The following MSX1 variants were observed in gnomAD, a reference collection of about 807,000 sequenced individuals.
The protein encoded by MSX1 is msh homeobox 1, also known as homeobox protein MSX-1.
Under a neutral mutation model 17.0 loss-of-function variants are expected in MSX1, and 11 were observed. The observed-to-expected ratio is 0.65, with a 90% CI of 0.41 to 1.07. The LOEUF is 1.07. Ranked by LOEUF, MSX1 falls within the 50% of genes least tolerant of loss-of-function variation. MSX1 has a pLI of 0.00. For synonymous variants in MSX1, 253 were observed against 211.8 expected (o/e 1.19, Z -1.69); for missense variants, 477 against 440.1 (o/e 1.08, Z -0.75).
chr4:4,863,354 T>TACGGCGACCACA lies in MSX1; in HGVS notation c.*211_*212insACGGCGACCACA. The TACGGCGACCACA allele has an allele frequency of 5.3e-6, 2 of 374,032 alleles. No individual in the cohort carries two copies. The highest frequency in any genetic ancestry group is 4.7e-6 in the Non-Finnish European group (1 of 213,060). The allele number at this position is 374,032 out of a possible 1,614,324, so 23.2% of individuals were successfully genotyped here. A position where few individuals can be genotyped will look rare whatever the true frequency, so the allele number is the denominator to read the frequency against. On this transcript the variant is annotated 3_prime_UTR_variant, in exon 2 of 2. Coordinates refer to ENST00000382723, the MANE Select transcript of MSX1 (RefSeq NM_002448.3). ...GAGTCCCTTAGTACTCTTCTAGCAT[T>TACGGCGACCACA]TAGATCTACACTCTCGAGTTAAAGA...
intron 1 of MSX1, among the ~76,000 whole-genome samples, chr4:4,861,923 A>G (rs1737925371): frequency 6.8e-6 from 1 of 146,394 alleles, no homozygotes; most frequent in Non-Finnish European, 1.5e-5. Flanking sequence ...ACACACACAA[A>G]CGTTTGAGTG....
chr4:4,863,026 C>A lies in MSX1; in HGVS notation c.795C>A (p.Ala265=). 6.2e-7 allele frequency: 1 copy of A among 1,610,432 alleles called. No homozygotes were observed. Among genetic ancestry groups the A allele is most frequent in the Non-Finnish European group, 8.5e-7 (1 of 1,178,936 alleles). The change falls in exon 2 of 2, where the codon GCC becomes GCA. Residue 265 remains alanine (A), a synonymous_variant. Coordinates refer to ENST00000382723, the MANE Select transcript of MSX1 (RefSeq NM_002448.3). The part of the protein sequence containing the change: ...FPLGGPAAVA[A]AAGASLYGAS... ...TCGGCGGCCCCGCAGCTGTAGCGGC[C>A]GCGGCGGGTGCCTCGCTCTACGGTG...
intron 1 of MSX1, 179 bp from the exon 2 acceptor site, chr4:4,862,522 G>A: frequency 1.3e-6 from 1 of 796,080 alleles, no homozygotes; most frequent in South Asian, 1.4e-5. Flanking sequence ...TCTCCCCTGC[G>A]GGGTTGCAAT....
Position 4,863,623 on chromosome 4 carries a change from A to ATG in MSX1, c.*481_*482dup, listed in dbSNP as rs1737982111. 1 of 149,938 alleles carries ATG rather than the reference A, an allele frequency of 6.7e-6. No individual in the cohort carries two copies. The highest frequency in any genetic ancestry group is 2.2e-4 in the South Asian group (1 of 4,646). The allele number at this position is 149,938 out of a possible 1,614,324, so 9.3% of individuals were successfully genotyped here. A position where few individuals can be genotyped will look rare whatever the true frequency, so the allele number is the denominator to read the frequency against. ...AAAAAAAGACTAGCCAGCCAGGAAG[A>ATG]TGAATCCTAGCTTCTTCCATTGGAA... On this transcript the variant is annotated 3_prime_UTR_variant, in exon 2 of 2. Transcript: ENST00000382723.
chr4:4,860,461 T>A (rs1737889508), intron 1 of MSX1, 93 bp downstream of exon 1: 1 of 1,462,754 alleles, frequency 6.8e-7, no homozygotes, highest in African/African-American at 1.4e-5. Flanking sequence ...CTCCGGCGCC[T>A]GCGTACCTGC....
rs1737885964 is a variant in MSX1, at chr4:4,860,362, C to T, written c.463C>T (p.Pro155Ser). Reference protein sequence around the residue: ...WMQSPRFSPPPARRLSPPACT... With the variant: ...WMQSPRFSPPSARRLSPPACT... ...GCAGAGCCCCCGCTTCTCCCCGCCG[C>T]CGGCCAGTGAGTAGCCAGAACCCAG... Residue 155 changes from proline (P) to serine (S), a missense_variant, in exon 1 of 2, where the codon CCG becomes TCG. Around this residue, in one of 3 missense-constraint regions of MSX1, gnomAD observed 355 missense variants for 306.1 expected, o/e 1.16. Transcript: ENST00000382723. 2 of 1,603,716 alleles carry T rather than the reference C, an allele frequency of 1.2e-6. No individual in the cohort carries two copies. Among genetic ancestry groups the T allele is most frequent in the Non-Finnish European group, 1.7e-6 (2 of 1,179,296 alleles).
rs33949394 is a variant in MSX1, at chr4:4,863,552, C to CAAAAAAAAAAAAAAAAAAAAAAAAAAAAA, written c.*417_*445dup. 1.7e-4 allele frequency: 7 copies of CAAAAAAAAAAAAAAAAAAAAAAAAAAAAA among 42,122 alleles called. 2 individuals are homozygous for CAAAAAAAAAAAAAAAAAAAAAAAAAAAAA. Among genetic ancestry groups the CAAAAAAAAAAAAAAAAAAAAAAAAAAAAA allele is most frequent in the Non-Finnish European group, 2.1e-4 (5 of 23,382 alleles). The allele number at this position is 42,122 out of a possible 1,614,324, so 2.6% of individuals were successfully genotyped here. On this transcript the variant is annotated 3_prime_UTR_variant, in exon 2 of 2. Coordinates refer to ENST00000382723, the MANE Select transcript of MSX1 (RefSeq NM_002448.3). ...ACGATTTTGGAAATGAGAACAATCT[C>CAAAAAAAAAAAAAAAAAAAAAAAAAAAAA]AAAAAAAAAAAAAAAAAAAAAAAAA...
chr4:4,860,030 G>A lies in MSX1; in HGVS notation c.131G>A (p.Gly44Asp). The A allele has an allele frequency of 6.6e-7, 1 of 1,507,248 alleles. No individual in the cohort carries two copies. 93.4% of individuals were successfully genotyped at this position (1,507,248 alleles called of 1,614,324 possible). ...SAAAATAAAM[G>D]ADEEGAKPKV... ...GCCGCGGCCACGGCAGCCGCCATGG[G>A]CGCGGACGAGGAGGGGGCCAAGCCC... Residue 44 changes from glycine (G) to aspartate (D), a missense_variant, in exon 1 of 2, where the codon GGC (glycine) becomes GAC (aspartate). Transcript: ENST00000382723.
In MSX1 at chr4:4,862,997, C is replaced by G. The variant is rs753897888; in HGVS notation, c.766C>G (p.Pro256Ala). Residue 256 changes from proline (P) to alanine (A), a missense_variant, in exon 2 of 2, where the codon CCT becomes GCT. By Grantham distance (27) the Pro-to-Ala change is conservative. Coordinates refer to ENST00000382723, the MANE Select transcript of MSX1 (RefSeq NM_002448.3). ...ACCGGCTGCCTTCGGCCTCTCCTTC[C>G]CTCTCGGCGGCCCCGCAGCTGTAGC... is the stretch of plus-strand genomic sequence containing the variant. ...LPPAAFGLSF[P>A]LGGPAAVAAA... 1.9e-6 allele frequency: 3 copies of G among 1,612,526 alleles called. No individual in the cohort carries two copies. The African/African-American group carries it at 4.0e-5, about 22-fold the overall frequency.
At chr4:4,861,074 C>G (rs1251233541) in intron 1 of MSX1, among the ~76,000 whole-genome samples, 2 of 152,284 alleles carry the variant, frequency 1.3e-5, no homozygotes, top group African/African-American at 2.4e-5. Context: ...CCTGGCTGCT[C>G]TACTCAGAGA....
rs1737875457 is a variant in MSX1 at position 4,860,152 on chromosome 4, G to A, written c.253G>A (p.Gly85Ser). ...AKESALAPSE[G>S]VQAAGGSAQP... ...GGAGAGCGCCCTGGCGCCCTCCGAG[G>A]GCGTGCAGGCGGCGGGTGGCTCGGC... Residue 85 changes from glycine (G) to serine (S), a missense_variant, in exon 1 of 2, where the codon GGC becomes AGC. By Grantham distance (56) the Gly-to-Ser change is moderately conservative. Transcript: ENST00000382723. The A allele has an allele frequency of 6.6e-7, 1 of 1,510,120 alleles. No individual in the cohort carries two copies. The highest frequency in any genetic ancestry group is 8.8e-7 in the Non-Finnish European group (1 of 1,135,714). 93.5% of individuals were successfully genotyped at this position (1,510,120 alleles called of 1,614,324 possible). A position where few individuals can be genotyped will look rare whatever the true frequency, so the allele number is the denominator to read the frequency against.
rs1219638313 is a variant in MSX1, at chr4:4,860,442, C to A, written c.469+74C>A. ...GGGTGGGGTGTGGGACCCGAGGGCT[C>A]CTGGTGGCCTCCGGCGCCTGCGTAC... On this transcript the variant is annotated intron_variant, in intron 1 of 1. Transcript: ENST00000382723. The A allele has an allele frequency of 3.9e-6, 6 of 1,520,218 alleles. No individual in the cohort carries two copies. The South Asian group carries it at 4.7e-5, about 12-fold the overall frequency. The allele number at this position is 1,520,218 out of a possible 1,614,324, so 94.2% of individuals were successfully genotyped here. A position where few individuals can be genotyped will look rare whatever the true frequency, so the allele number is the denominator to read the frequency against.
intron 1 of MSX1, among the ~76,000 whole-genome samples, chr4:4,861,231 G>A (rs1445005617): frequency 1.3e-5 from 2 of 152,258 alleles, no homozygotes; most frequent in East Asian, 1.9e-4. Context: ...GTCTTTGAAA[G>A]GCCAGTCCCT....
intron 1 of MSX1, 37 bp from the exon 2 acceptor site, chr4:4,862,664 T>C: frequency 6.2e-7 from 1 of 1,601,710 alleles, no homozygotes; most frequent in South Asian, 1.1e-5. Flanking sequence ...AATGCTTCTC[T>C]CTTAACCCCT....
intron 1 of MSX1, chr4:4,862,480 G>C: frequency 1.4e-6 from 1 of 710,790 alleles, no homozygotes; most frequent in Non-Finnish European, 2.5e-6. Flanking sequence ...TGGAATCTTA[G>C]TTTCTTCATT....
rs33962425 is a variant in MSX1 at position 4,863,770 on chromosome 4, TA to T, written c.*642del. 0.18 allele frequency: 26,493 copies of T among 144,712 alleles called. 2,415 individuals carry two copies. The highest frequency in any genetic ancestry group is 0.24 in the Middle Eastern group (67 of 278). 9.0% of individuals were successfully genotyped at this position (144,712 alleles called of 1,614,324 possible). A position where few individuals can be genotyped will look rare whatever the true frequency, so the allele number is the denominator to read the frequency against. Reference sequence around the variant, plus strand: ...AGTACCAGAAACACAATTGTAAAATTAAAAAAAAAAAAAAACTCTTTCTATT... The same window carrying T: ...AGTACCAGAAACACAATTGTAAAATTAAAAAAAAAAAAAACTCTTTCTATT... On this transcript the variant is annotated 3_prime_UTR_variant, in exon 2 of 2. Coordinates refer to ENST00000382723, the MANE Select transcript of MSX1 (RefSeq NM_002448.3).
rs992995962 is a variant in MSX1 at position 4,860,499 on chromosome 4, A to G, written c.469+131A>G. Reference sequence around the variant, plus strand: ...CCGGTGCTAGGGAGCCGTGGGCTGCAAGGCCGGGTCTTGCGCCTCCCTCCA... The same window carrying G: ...CCGGTGCTAGGGAGCCGTGGGCTGCGAGGCCGGGTCTTGCGCCTCCCTCCA... On this transcript the variant is annotated intron_variant, in intron 1 of 1. Transcript: ENST00000382723. The G allele has an allele frequency of 4.3e-5, 51 of 1,188,614 alleles. No individual in the cohort carries two copies. In the African/African-American group the frequency reaches 6.7e-4, roughly 16 times the overall value. 73.6% of individuals were successfully genotyped at this position (1,188,614 alleles called of 1,614,324 possible).
At position 4,862,590 on chromosome 4, in the gene MSX1, T is replaced by G. The variant is rs1331938556; in HGVS notation, c.470-111T>G. 3 of 1,298,696 alleles carry G rather than the reference T, an allele frequency of 2.3e-6. No homozygotes were observed. In the East Asian group the frequency reaches 6.9e-5, roughly 30 times the overall value. 80.4% of individuals were successfully genotyped at this position (1,298,696 alleles called of 1,614,324 possible). On this transcript the variant is annotated intron_variant, in intron 1 of 1. Transcript: ENST00000382723. ...GCGCGATGCCCGGCACCGAGGCACT[T>G]GGCGGCACTCAATATCTGGTATTGT...
intron 1 of MSX1, among the ~76,000 whole-genome samples, chr4:4,861,639 C>T (rs1490178129): frequency 6.6e-6 from 1 of 152,230 alleles, no homozygotes; most frequent in Non-Finnish European, 1.5e-5. Flanking sequence ...CGCTTAGGGC[C>T]TTGGGCCCCA....
Sources: allele counts gnomAD v4.1 joint callset (sites outside exome capture counted in the v4.1 genomes callset), GRCh38; gene constraint gnomAD v4.1.1; regional missense constraint gnomAD v4.1.1; transcripts MANE v1.5; gene names NCBI Gene and HGNC (gene_info 2026-07-23, HGNC 2026-07-21).